Variants in CFAP299 observed in about 807,000 individuals in gnomAD.
CFAP299 encodes the protein cilia and flagella associated protein 299, also known as cilia- and flagella-associated protein 299.
In CFAP299, 21 loss-of-function variants were observed where a neutral mutation model predicts 27.0. The observed-to-expected ratio is 0.78, with a 90% confidence interval of 0.55 to 1.12. CFAP299 has a LOEUF of 1.12. Among genes scored for constraint, CFAP299 ranks in the 50% most tolerant of loss-of-function variants. The pLI is 0.00. For missense variants in CFAP299, 310 were observed against 276.6 expected (o/e 1.12, Z -0.86); for synonymous variants, 104 against 98.1 (o/e 1.06, Z -0.36).
intron 2 of CFAP299, chr4:80,386,264 TG>T: frequency 8.3e-7 from 1 of 1,203,326 alleles, no homozygotes; most frequent in Non-Finnish European, 1.2e-6. Flanking sequence ...AGAGCCAGGT[TG>T]GAGCCCAGCC....
At chr4:80,963,435 A>T in intron 5 of CFAP299, 82 bp from the exon 6 acceptor site, 1 of 776,354 alleles carries the variant, frequency 1.3e-6, no homozygotes, top group Non-Finnish European at 2.0e-6. Context: ...CTGCAATATA[A>T]AGCAAAAAAA....
intron 2 of CFAP299, among the ~76,000 whole-genome samples, chr4:80,531,697 C>T (rs1733472883): frequency 6.6e-6 from 1 of 151,306 alleles, no homozygotes; most frequent in South Asian, 2.1e-4. Context: ...CCCAGCCTCC[C>T]TTGCATCTAG....
intron 4 of CFAP299, among the ~76,000 whole-genome samples, chr4:80,906,262 A>G (rs1011850220): frequency 6.6e-6 from 1 of 152,188 alleles, no homozygotes; most frequent in Non-Finnish European, 1.5e-5. Flanking sequence ...CACCCATGTC[A>G]TGCTGATGGA....
At chr4:80,950,287 A>G (rs10017923) in intron 5 of CFAP299, among the ~76,000 whole-genome samples, 89,566 of 148,924 alleles carry the variant, frequency 0.6, 29,782 homozygotes, top group Non-Finnish European at 0.74. Flanking sequence ...TTTCCTTGGC[A>G]ACTGTTGAGA....
At chr4:80,404,853 A>G (rs965718132) in intron 2 of CFAP299, among the ~76,000 whole-genome samples, 7 of 152,082 alleles carry the variant, frequency 4.6e-5, no homozygotes, top group Admixed American at 2.6e-4. Context: ...TTTAGGAACC[A>G]TCATACTTTT....
chr4:80,346,211 C>T, intron 1 of CFAP299, among the ~76,000 whole-genome samples: 1 of 152,080 alleles, frequency 6.6e-6, no homozygotes, highest in African/African-American at 2.4e-5. Context: ...AAATTTTCTT[C>T]CATTCTGTAG....
chr4:80,562,661 A>AATAAT (rs1735093388), intron 2 of CFAP299, among the ~76,000 whole-genome samples: 1 of 89,716 alleles, frequency 1.1e-5, no homozygotes, highest in African/African-American at 5.8e-5. Context: ...CAATTTCAAT[A>AATAAT]ATAATAATAA....
chr4:80,884,803 C>T (rs1181177492), intron 4 of CFAP299, among the ~76,000 whole-genome samples: 1 of 152,082 alleles, frequency 6.6e-6, no homozygotes, highest in Non-Finnish European at 1.5e-5. Flanking sequence ...CTGCATCATT[C>T]ATCACCCCCA....
chr4:80,585,171 G>A (rs72863141), intron 3 of CFAP299, among the ~76,000 whole-genome samples: 11,823 of 152,026 alleles, frequency 0.078, 690 homozygotes, highest in East Asian at 0.26. Context: ...AGGATGCTGT[G>A]ATAGGATATA....
At chr4:80,507,848 C>T (rs1732110783) in intron 2 of CFAP299, among the ~76,000 whole-genome samples, 1 of 152,130 alleles carries the variant, frequency 6.6e-6, no homozygotes, top group South Asian at 2.1e-4. Flanking sequence ...TTGTTTCTTT[C>T]ACTTAAAAAT....
At chr4:80,725,950 A>C (rs1032054672) in intron 3 of CFAP299, among the ~76,000 whole-genome samples, 2 of 152,170 alleles carry the variant, frequency 1.3e-5, no homozygotes, top group African/African-American at 2.4e-5. Context: ...TGTCAGCCCC[A>C]ACTCACTGGC....
intron 3 of CFAP299, among the ~76,000 whole-genome samples, chr4:80,684,283 G>C (rs906824048): frequency 6.6e-6 from 1 of 151,394 alleles, no homozygotes; most frequent in Non-Finnish European, 1.5e-5. Context: ...TTGGGGGGGG[G>C]GGACGGAGCC....
intron 2 of CFAP299, among the ~76,000 whole-genome samples, chr4:80,458,330 C>A (rs1458405052): frequency 1.3e-5 from 2 of 152,182 alleles, no homozygotes; most frequent in Non-Finnish European, 2.9e-5. Context: ...GGAACCCAGG[C>A]TGCGGCGCAT....
intron 2 of CFAP299, among the ~76,000 whole-genome samples, chr4:80,423,803 GGAC>G (rs1727408154): frequency 6.6e-6 from 1 of 152,152 alleles, no homozygotes; most frequent in South Asian, 2.1e-4. Flanking sequence ...GTATAAAAAT[GGAC>G]AAAGGCAAGG....
At chr4:80,535,281 G>T (rs1310742772) in intron 2 of CFAP299, among the ~76,000 whole-genome samples, 1 of 151,950 alleles carries the variant, frequency 6.6e-6, no homozygotes, top group Non-Finnish European at 1.5e-5. Context: ...CCTGAAAGGG[G>T]ACCCTTCCCT....
intron 4 of CFAP299, among the ~76,000 whole-genome samples, chr4:80,920,558 A>G (rs148612500): frequency 2.0e-5 from 3 of 152,148 alleles, no homozygotes; most frequent in African/African-American, 7.2e-5. Context: ...CTCTTCATGT[A>G]TATTGCTTTT....
chr4:80,877,802 C>A (rs969470328), intron 4 of CFAP299, among the ~76,000 whole-genome samples: 1 of 151,880 alleles, frequency 6.6e-6, no homozygotes, highest in Non-Finnish European at 1.5e-5. Context: ...TGGAAAAGTT[C>A]AAAGAATAGT....
At chr4:80,670,008 C>CT (rs1306824362) in intron 3 of CFAP299, among the ~76,000 whole-genome samples, 2 of 149,876 alleles carry the variant, frequency 1.3e-5, no homozygotes, top group Non-Finnish European at 3.0e-5. Flanking sequence ...TAAAAATATA[C>CT]TTTAAGTTCT....
At chr4:80,664,494 C>G (rs1266761678) in intron 3 of CFAP299, among the ~76,000 whole-genome samples, 1 of 152,094 alleles carries the variant, frequency 6.6e-6, no homozygotes, top group Non-Finnish European at 1.5e-5. Flanking sequence ...TGGGTTCCAC[C>G]CAGTTCGAAC....
Sources: gnomAD v4.1 joint callset for allele counts (sites outside exome capture counted in the v4.1 genomes callset) on GRCh38, gnomAD v4.1.1 for gene constraint, MANE v1.5 for transcripts, NCBI Gene and HGNC (gene_info 2026-07-23, HGNC 2026-07-21) for gene names.